MAGI1: variants seen among roughly 807,000 people sequenced by gnomAD.
MAGI1 encodes the protein membrane-associated guanylate kinase, WW and PDZ domain-containing protein 1.
In MAGI1, 58 loss-of-function variants were observed where a neutral mutation model predicts 139.9. The ratio of observed to expected loss-of-function variants is 0.41; its 90% CI spans 0.34 to 0.52. The LOEUF (loss-of-function observed/expected upper bound fraction) is 0.52, where lower values mean the gene tolerates loss of function less well. MAGI1 is among the 20% of genes least tolerant of loss of function. The pLI is 0.12. For synonymous variants in MAGI1, 812 were observed against 737.9 expected, an observed-to-expected ratio of 1.10 and a Z score of -1.63; for missense variants, 1,874 against 1,901.6, an observed-to-expected ratio of 0.99 and a Z score of 0.27.
chr3:65,367,071 T>A (rs562821815), intron 18 of MAGI1, among the ~76,000 whole-genome samples: 5 of 152,334 alleles, frequency 3.3e-5, no homozygotes, highest in Non-Finnish European at 5.9e-5. Context: ...TATTGGTCCT[T>A]TAGCAAACTT....
Position 66,012,420 on chromosome 3 carries a change from T to C in MAGI1, c.313+25576A>G, listed in dbSNP as rs942237328. ...AGTATTAAAAGTTCCATATCACCAGTCTTACCTTGAAACAAAAAAAAAATA... is the reference window on the plus strand; with the variant it reads ...AGTATTAAAAGTTCCATATCACCAGCCTTACCTTGAAACAAAAAAAAAATA... On this transcript the variant is annotated intron_variant, in intron 1 of 22. Coordinates refer to ENST00000402939, the MANE Select transcript of MAGI1 (RefSeq NM_001033057.2). Among the ~76,000 whole-genome samples the C allele has an allele frequency of 6.6e-5, 10 of 151,914 alleles. No homozygotes were observed. The Middle Eastern group carries it at 0.01, about 156-fold the overall frequency.
intron 8 of MAGI1, among the ~76,000 whole-genome samples, chr3:65,441,229 G>A (rs937595881): frequency 7.2e-5 from 11 of 152,118 alleles, no homozygotes; most frequent in Admixed American, 2.0e-4. Flanking sequence ...CCCAAATGCT[G>A]TGATTACAGG....
intron 1 of MAGI1, among the ~76,000 whole-genome samples, chr3:65,744,393 C>A (rs1194490129): frequency 6.6e-6 from 1 of 152,182 alleles, no homozygotes; most frequent in Admixed American, 6.5e-5. Flanking sequence ...CAAAGTATAA[C>A]TGGCACATAG....
intron 1 of MAGI1, among the ~76,000 whole-genome samples, chr3:65,966,502 G>A (rs1396136378): frequency 1.3e-5 from 2 of 152,004 alleles, no homozygotes; most frequent in Non-Finnish European, 2.9e-5. Flanking sequence ...AAGAGAAAGG[G>A]CAACTATTGG....
At position 65,429,727 on chromosome 3, in the gene MAGI1, CA is replaced by C; in HGVS notation, c.1959del (p.Phe653LeufsTer16). 1 of 1,613,934 alleles carries C rather than the reference CA, an allele frequency of 6.2e-7. No individual in the cohort carries two copies. The highest frequency in any genetic ancestry group is 8.5e-7 in the Non-Finnish European group (1 of 1,179,952). Reference protein sequence around the residue: ...TVHIVKGPMGFGFTIADSPGG... With the variant: ...TVHIVKGPMGXGFTIADSPGG... ...CCAGGACTGTCTGCGATAGTAAAAC[CA>C]AAGCCCATTGGCCCTTTGACAATAT... is the stretch of plus-strand genomic sequence containing the variant. On this transcript the variant is annotated frameshift_variant, in exon 12 of 23. Coordinates refer to ENST00000402939, the MANE Select transcript of MAGI1 (RefSeq NM_001033057.2). LOFTEE classifies it high-confidence loss of function.
intron 1 of MAGI1, among the ~76,000 whole-genome samples, chr3:65,993,148 T>C (rs13325530): frequency 0.013 from 1,918 of 152,272 alleles, 35 homozygotes; most frequent in African/African-American, 0.043. Context: ...AGATGCTTCA[T>C]ATGCAAATGA....
chr3:65,781,736 C>CTAT (rs2038951001), intron 1 of MAGI1, among the ~76,000 whole-genome samples: 1 of 152,190 alleles, frequency 6.6e-6, no homozygotes, highest in African/African-American at 2.4e-5. Flanking sequence ...ATGGCAACAT[C>CTAT]TATAATAATA....
At chr3:65,858,257 G>A (rs2059433491) in intron 1 of MAGI1, among the ~76,000 whole-genome samples, 1 of 152,198 alleles carries the variant, frequency 6.6e-6, no homozygotes, top group Non-Finnish European at 1.5e-5. Flanking sequence ...TCTGCTCCAT[G>A]TTGACATAAT....
At chr3:65,481,895 G>A (rs1951315857) in intron 3 of MAGI1, among the ~76,000 whole-genome samples, 1 of 152,162 alleles carries the variant, frequency 6.6e-6, no homozygotes, top group African/African-American at 2.4e-5. Flanking sequence ...ATTTGTTAAT[G>A]CAATTACAAA....
At chr3:65,792,749 T>C (rs1387169317) in intron 1 of MAGI1, among the ~76,000 whole-genome samples, 1 of 152,076 alleles carries the variant, frequency 6.6e-6, no homozygotes, top group Non-Finnish European at 1.5e-5. Flanking sequence ...TCAAGGTTCA[T>C]TACACTACTC....
intron 1 of MAGI1, among the ~76,000 whole-genome samples, chr3:65,921,919 G>GACAC (rs35532734): frequency 0.045 from 6,271 of 140,776 alleles, 142 homozygotes; most frequent in African/African-American, 0.067. Flanking sequence ...CCACACACAC[G>GACAC]ACACACACAC....
At chr3:65,979,671 T>C (rs4688255) in intron 1 of MAGI1, among the ~76,000 whole-genome samples, 113,568 of 152,114 alleles carry the variant, frequency 0.75, 42,612 homozygotes, top group Admixed American at 0.81. Flanking sequence ...GGGAACCATG[T>C]GACACCTCTG....
chr3:65,911,168 G>C (rs902950547), intron 1 of MAGI1, among the ~76,000 whole-genome samples: 6 of 151,822 alleles, frequency 4.0e-5, no homozygotes, highest in African/African-American at 1.5e-4. Context: ...TGGACATGGT[G>C]GACTTTTGCT....
intron 1 of MAGI1, among the ~76,000 whole-genome samples, chr3:65,657,956 T>C (rs1464239553): frequency 2.6e-5 from 4 of 152,210 alleles, no homozygotes; most frequent in Non-Finnish European, 5.9e-5. Flanking sequence ...TTAATTGAAA[T>C]AATGTGTGTG....
chr3:65,414,426 G>A lies in MAGI1; in HGVS notation c.2168-12956C>T, dbSNP rs183005720. Among the ~76,000 whole-genome samples, 556 of 152,258 alleles carry A rather than the reference G, an allele frequency of 3.7e-3. 13 individuals carry two copies. Among genetic ancestry groups the A allele is most frequent in the Non-Finnish European group, 6.0e-4 (41 of 68,026 alleles). Reference sequence around the variant, plus strand: ...TATAACCCCGGCCTTGAATCCGAACGCTTTCTTCCTGAATGAAGATCTAGG... The same window carrying A: ...TATAACCCCGGCCTTGAATCCGAACACTTTCTTCCTGAATGAAGATCTAGG... On this transcript the variant is annotated intron_variant, in intron 12 of 22. Transcript: ENST00000402939.
At chr3:65,881,338 T>C (rs1198326730) in intron 1 of MAGI1, among the ~76,000 whole-genome samples, 1 of 152,100 alleles carries the variant, frequency 6.6e-6, no homozygotes, top group Non-Finnish European at 1.5e-5. Flanking sequence ...TCTAAATCTC[T>C]TGACAAAGCC....
chr3:65,889,050 T>C (rs140458284), intron 1 of MAGI1, among the ~76,000 whole-genome samples: 1 of 152,320 alleles, frequency 6.6e-6, no homozygotes, highest in African/African-American at 2.4e-5. Flanking sequence ...TACTATTCAT[T>C]ATCAGATTCA....
rs2041656241 is a variant in MAGI1 at position 65,817,136 on chromosome 3, T to A, written c.314-195048A>T. Among the ~76,000 whole-genome samples, 2 of 152,196 alleles carry A rather than the reference T, an allele frequency of 1.3e-5. 1 individual carries two copies. Among genetic ancestry groups the A allele is most frequent in the South Asian group, 4.1e-4 (2 of 4,834 alleles). On this transcript the variant is annotated intron_variant, in intron 1 of 22. Transcript: ENST00000402939. Reference sequence around the variant, plus strand: ...ATAACATGCCTGTGTACCGAGCTATTATACATTCCTTAATTTGAACTACAT... The same window carrying A: ...ATAACATGCCTGTGTACCGAGCTATAATACATTCCTTAATTTGAACTACAT...
intron 1 of MAGI1, among the ~76,000 whole-genome samples, chr3:65,977,520 G>A (rs1362049183): frequency 3.3e-5 from 5 of 152,044 alleles, no homozygotes; most frequent in Admixed American, 6.6e-5. Context: ...CCACCAACCC[G>A]GCCAACATAG....
Sources: gnomAD v4.1 joint callset for allele counts (sites outside exome capture counted in the v4.1 genomes callset) on GRCh38, gnomAD v4.1.1 for gene constraint, MANE v1.5 for transcripts, NCBI Gene and HGNC (gene_info 2026-07-23, HGNC 2026-07-21) for gene names.